ABCC9: variants seen among roughly 807,000 people sequenced by gnomAD.
ABCC9 encodes the protein ATP binding cassette subfamily C member 9.
Under a neutral mutation model 188.3 loss-of-function variants are expected in ABCC9, and 95 were observed. The observed-to-expected ratio is 0.50, with a 90% CI of 0.43 to 0.60. The LOEUF (loss-of-function observed/expected upper bound fraction) is 0.60, where lower values mean the gene tolerates loss of function less well. Among genes scored for constraint, ABCC9 ranks in the 20% least tolerant of loss-of-function variants. The probability of loss-of-function intolerance (pLI) is 0.00; values close to 1 mark genes in which losing one functional copy is unlikely to be tolerated. For synonymous variants in ABCC9, 659 were observed against 652.7 expected, an observed-to-expected ratio of 1.01 and a Z score of -0.15; for missense variants, 1,102 against 1,876.3, an observed-to-expected ratio of 0.59 and a Z score of 7.62.
chr12:21,918,311 T>C (rs902245619), intron 5 of ABCC9, among the ~76,000 whole-genome samples: 1 of 152,130 alleles, frequency 6.6e-6, no homozygotes. Flanking sequence ...TAGAACACTA[T>C]CAAATACCTC....
rs704184 is a variant in ABCC9, at chr12:21,852,837, A to G, written c.2506-332T>C. 0.99 allele frequency among the ~76,000 whole-genome samples: 151,375 copies of G among 152,216 alleles called. 75,275 individuals carry two copies. Among genetic ancestry groups the G allele is most frequent in the Middle Eastern group, 1 (294 of 294 alleles). On this transcript the variant is annotated intron_variant, in intron 22 of 39. Transcript: ENST00000261200. ...AATAAAGTTAGAAGTGCCTGCAGGC[A>G]AAAAGAAAAACAAACTTTGTAAAAT...
At chr12:21,810,018 G>T in intron 36 of ABCC9, 63 bp from the exon 37 acceptor site, 1 of 1,010,572 alleles carries the variant, frequency 9.9e-7, no homozygotes. Flanking sequence ...ATGTATATTT[G>T]CTTATTGCTT....
chr12:21,906,385 C>G lies in ABCC9; in HGVS notation c.1456-97G>C, dbSNP rs992081354. The stretch of plus-strand genomic sequence containing the variant: ...ACAGGGATTGAGGAGACCTTGATTT[C>G]AGACTGGCCCTGCCACTCACTAATT... On this transcript the variant is annotated intron_variant, in intron 11 of 39. Coordinates refer to ENST00000261200, the MANE Select transcript of ABCC9 (RefSeq NM_020297.4). 2.4e-6 allele frequency: 3 copies of G among 1,271,540 alleles called. No individual in the cohort carries two copies. The African/African-American group carries it at 4.5e-5, about 19-fold the overall frequency. 78.8% of individuals were successfully genotyped at this position (1,271,540 alleles called of 1,614,324 possible). A position where few individuals can be genotyped will look rare whatever the true frequency, so the allele number is the denominator to read the frequency against.
chr12:21,830,911 G>A (rs917471516), intron 30 of ABCC9, among the ~76,000 whole-genome samples: 14 of 152,060 alleles, frequency 9.2e-5, no homozygotes, highest in Non-Finnish European at 2.1e-4. Context: ...AACAACTGAA[G>A]GGTAGGGGGG....
chr12:21,913,467 C>T (rs1948413863), intron 7 of ABCC9, among the ~76,000 whole-genome samples: 1 of 152,106 alleles, frequency 6.6e-6, no homozygotes, highest in African/African-American at 2.4e-5. Flanking sequence ...GCACAAACAT[C>T]AAGGTTATAG....
intron 39 of ABCC9, 126 bp downstream of exon 39, chr12:21,805,872 C>T: frequency 1.0e-6 from 1 of 958,354 alleles, no homozygotes. Flanking sequence ...CTTTTTTGCA[C>T]AGATACAGAA....
At chr12:21,880,720 T>G (rs1232395870) in intron 16 of ABCC9, among the ~76,000 whole-genome samples, 2 of 152,044 alleles carry the variant, frequency 1.3e-5, no homozygotes, top group African/African-American at 2.4e-5. Flanking sequence ...TGAGAAGCAT[T>G]TTTTTGGTGA....
intron 37 of ABCC9, among the ~76,000 whole-genome samples, chr12:21,808,494 T>A (rs1221778622): frequency 6.6e-6 from 1 of 152,108 alleles, no homozygotes; most frequent in Non-Finnish European, 1.5e-5. Flanking sequence ...GATGCAACTG[T>A]CTTTCCAAAT....
At chr12:21,876,043 C>T (rs1179554194) in intron 16 of ABCC9, among the ~76,000 whole-genome samples, 2 of 152,086 alleles carry the variant, frequency 1.3e-5, no homozygotes, top group Non-Finnish European at 2.9e-5. Flanking sequence ...CAGAGCGAGA[C>T]TCCATCTTGG....
Position 21,863,070 on chromosome 12 carries a change from GAAA to G in ABCC9, c.2238-19_2238-17del. ...CCTGTTCCTACTGAAAAATGAAAAA[GAAA>G]AAAAAAAACACCAGGATTATGCAAA... On this transcript the variant is annotated splice_polypyrimidine_tract_variant and intron_variant, in intron 19 of 39. Coordinates refer to ENST00000261200, the MANE Select transcript of ABCC9 (RefSeq NM_020297.4). 2.3e-6 allele frequency: 3 copies of G among 1,299,858 alleles called. No individual in the cohort carries two copies. The highest frequency in any genetic ancestry group is 3.2e-6 in the Non-Finnish European group (3 of 934,162). 80.5% of individuals were successfully genotyped at this position (1,299,858 alleles called of 1,614,324 possible). A position where few individuals can be genotyped will look rare whatever the true frequency, so the allele number is the denominator to read the frequency against.
At chr12:21,815,630 G>A in intron 34 of ABCC9, 133 bp downstream of exon 34, 1 of 1,054,276 alleles carries the variant, frequency 9.5e-7, no homozygotes, top group Non-Finnish European at 1.4e-6. Context: ...TTTCTTTTAT[G>A]CAGATAATTT....
intron 4 of ABCC9, among the ~76,000 whole-genome samples, chr12:21,930,731 G>GGATA (rs1286341431): frequency 6.6e-6 from 1 of 152,034 alleles, no homozygotes; most frequent in African/African-American, 2.4e-5. Flanking sequence ...GTGGGCAAAT[G>GGATA]GATAAATAAA....
intron 31 of ABCC9, among the ~76,000 whole-genome samples, chr12:21,828,186 G>T (rs181022663): frequency 6.6e-6 from 1 of 152,134 alleles, no homozygotes; most frequent in Non-Finnish European, 1.5e-5. Flanking sequence ...GTTCCGGATC[G>T]CACAGACTAC....
chr12:21,862,286 G>GC (rs1057293391), intron 20 of ABCC9, among the ~76,000 whole-genome samples: 5 of 151,884 alleles, frequency 3.3e-5, no homozygotes, highest in African/African-American at 1.2e-4. Flanking sequence ...TGGCTTTTAG[G>GC]CCCCCCAACT....
At chr12:21,889,374 CT>C (rs747645274) in intron 14 of ABCC9, among the ~76,000 whole-genome samples, 6 of 152,152 alleles carry the variant, frequency 3.9e-5, no homozygotes, top group Non-Finnish European at 7.4e-5. Flanking sequence ...GCAGTTATTT[CT>C]TCTTCACTTT....
intron 26 of ABCC9, 144 bp downstream of exon 26, chr12:21,845,459 G>T: frequency 4.6e-6 from 3 of 654,480 alleles, no homozygotes; most frequent in South Asian, 3.8e-5. Flanking sequence ...TTCTATTTCA[G>T]GTCCTGTTGT....
At chr12:21,920,416 A>C (rs1948765384) in intron 5 of ABCC9, among the ~76,000 whole-genome samples, 1 of 152,084 alleles carries the variant, frequency 6.6e-6, no homozygotes, top group African/African-American at 2.4e-5. Flanking sequence ...TCAACATACA[A>C]AATCATTTTA....
At chr12:21,913,757 C>G in intron 7 of ABCC9, among the ~76,000 whole-genome samples, 3 of 152,214 alleles carry the variant, frequency 2.0e-5, no homozygotes, top group Admixed American at 2.0e-4. Flanking sequence ...ATTTTAAGAC[C>G]TGAGCAATCA....
In ABCC9 at chr12:21,807,622, A is replaced by C; in HGVS notation, c.4316-143T>G. On this transcript the variant is annotated intron_variant, in intron 37 of 39. Coordinates refer to ENST00000261200, the MANE Select transcript of ABCC9 (RefSeq NM_020297.4). ...TGGTGCAAGGACTTCATACTGGAAC[A>C]CAAAGAGGAACTCCACTTTGGGAAA... is the stretch of plus-strand genomic sequence containing the variant. 3 of 1,107,866 alleles carry C rather than the reference A, an allele frequency of 2.7e-6. No individual in the cohort carries two copies. In the South Asian group the frequency reaches 4.1e-5, roughly 15 times the overall value. 68.6% of individuals were successfully genotyped at this position (1,107,866 alleles called of 1,614,324 possible).
Sources: allele counts gnomAD v4.1 joint callset (sites outside exome capture counted in the v4.1 genomes callset), GRCh38; gene constraint gnomAD v4.1.1; transcripts MANE v1.5; gene names NCBI Gene and HGNC (gene_info 2026-07-23, HGNC 2026-07-21).